Variants in RBFOX1 observed in about 807,000 individuals in gnomAD.
RBFOX1 encodes RNA binding protein fox-1 homolog 1.
A neutral mutation model predicts 57.7 loss-of-function variants in RBFOX1; 8 were observed. The observed-to-expected ratio is 0.14, with a 90% CI of 0.08 to 0.25. The LOEUF (loss-of-function observed/expected upper bound fraction) is 0.25, where lower values mean the gene tolerates loss of function less well. RBFOX1 is among the 10% of genes least tolerant of loss of function. The pLI is 1.00. For missense variants in RBFOX1, 611 were observed against 548.5 expected (o/e 1.11, Z -1.14); for synonymous variants, 326 against 222.4 (o/e 1.47, Z -4.15).
At chr16:7,438,477 A>G (rs1295378722) in intron 4 of RBFOX1, among the ~76,000 whole-genome samples, 1 of 152,088 alleles carries the variant, frequency 6.6e-6, no homozygotes, top group Non-Finnish European at 1.5e-5. Context: ...GCGGGACAAT[A>G]ACTGCTCTGG....
At chr16:6,416,892 T>A (rs1057307006) in intron 2 of RBFOX1, among the ~76,000 whole-genome samples, 6 of 152,248 alleles carry the variant, frequency 3.9e-5, no homozygotes, top group African/African-American at 1.4e-4. Flanking sequence ...GGATTCCCAA[T>A]AAGTGTGTTT....
intron 4 of RBFOX1, among the ~76,000 whole-genome samples, chr16:5,945,859 C>A (rs993088337): frequency 6.6e-6 from 1 of 152,160 alleles, no homozygotes; most frequent in Non-Finnish European, 1.5e-5. Flanking sequence ...TCTACTCCAT[C>A]CATCAGTATT....
intron 1 of RBFOX1, among the ~76,000 whole-genome samples, chr16:5,258,353 G>A (rs2333972): frequency 0.17 from 25,619 of 152,002 alleles, 2,328 homozygotes; most frequent in African/African-American, 0.21. Context: ...CAGTAGTTAT[G>A]TAATTGCTTC....
chr16:5,705,297 T>C (rs2041256), intron 3 of RBFOX1, among the ~76,000 whole-genome samples: 1 of 151,984 alleles, frequency 6.6e-6, no homozygotes, highest in South Asian at 2.1e-4. Flanking sequence ...GGTCTTGCTG[T>C]CTTGTCCAGG....
intron 3 of RBFOX1, among the ~76,000 whole-genome samples, chr16:6,984,253 T>C (rs1270037549): frequency 6.6e-6 from 1 of 151,950 alleles, no homozygotes; most frequent in East Asian, 1.9e-4. Flanking sequence ...ATCTTAAACA[T>C]AAAATAAAAT....
intron 4 of RBFOX1, among the ~76,000 whole-genome samples, chr16:5,982,668 A>G (rs1212935632): frequency 1.3e-5 from 2 of 152,092 alleles, no homozygotes; most frequent in East Asian, 1.9e-4. Context: ...CTGAAATCTC[A>G]TCTCACCACT....
chr16:6,415,783 T>C (rs989320222), intron 2 of RBFOX1, among the ~76,000 whole-genome samples: 2 of 152,172 alleles, frequency 1.3e-5, no homozygotes, highest in African/African-American at 4.8e-5. Context: ...CCTCAGGATA[T>C]CTGTGAGATA....
intron 2 of RBFOX1, among the ~76,000 whole-genome samples, chr16:6,616,969 A>T (rs935145810): frequency 1.3e-5 from 2 of 152,180 alleles, no homozygotes; most frequent in Non-Finnish European, 2.9e-5. Context: ...AGAGTTTTGC[A>T]ACAGAGACCT....
At chr16:6,441,440 G>C (rs899909811) in intron 2 of RBFOX1, among the ~76,000 whole-genome samples, 4 of 151,692 alleles carry the variant, frequency 2.6e-5, no homozygotes, top group South Asian at 4.2e-4. Flanking sequence ...TTTTGAGACG[G>C]AGTTTTGCTC....
chr16:6,659,210 G>C (rs1174816547), intron 3 of RBFOX1, among the ~76,000 whole-genome samples: 10 of 146,016 alleles, frequency 6.8e-5, no homozygotes, highest in Non-Finnish European at 1.2e-4. Flanking sequence ...CAGTCAGGGG[G>C]AGAATCTGTC....
intron 3 of RBFOX1, among the ~76,000 whole-genome samples, chr16:6,991,571 C>T (rs908596847): frequency 6.6e-6 from 1 of 152,174 alleles, no homozygotes; most frequent in Admixed American, 6.5e-5. Flanking sequence ...GGGTCCCACT[C>T]TGTCACCCAG....
At chr16:7,456,708 T>G (rs1392601381) in intron 4 of RBFOX1, among the ~76,000 whole-genome samples, 3 of 152,044 alleles carry the variant, frequency 2.0e-5, no homozygotes, top group Non-Finnish European at 4.4e-5. Context: ...TTCCTGAGCT[T>G]GATGGGTGCC....
At chr16:6,586,780 T>G (rs770271135) in intron 2 of RBFOX1, among the ~76,000 whole-genome samples, 6 of 152,214 alleles carry the variant, frequency 3.9e-5, no homozygotes, top group Non-Finnish European at 8.8e-5. Context: ...CTCAGTTGCT[T>G]ACCCATCCTA....
intron 4 of RBFOX1, among the ~76,000 whole-genome samples, chr16:7,152,602 T>C (rs7192803): frequency 0.89 from 134,948 of 152,168 alleles, 59,929 homozygotes; most frequent in East Asian, 1. Flanking sequence ...TGATAGTGGC[T>C]TCTCTGTGGT....
chr16:6,404,189 C>G (rs2093188180), intron 2 of RBFOX1, among the ~76,000 whole-genome samples: 1 of 152,148 alleles, frequency 6.6e-6, no homozygotes, highest in Non-Finnish European at 1.5e-5. Context: ...TCTTTATTCA[C>G]TAAACAATAC....
chr16:5,748,003 T>G (rs982842284), intron 3 of RBFOX1, among the ~76,000 whole-genome samples: 3 of 152,212 alleles, frequency 2.0e-5, no homozygotes. Flanking sequence ...CTTTCTGTTG[T>G]GGGCATTTAG....
At chr16:6,629,773 C>T (rs899332144) in intron 2 of RBFOX1, among the ~76,000 whole-genome samples, 5 of 152,208 alleles carry the variant, frequency 3.3e-5, no homozygotes, top group Non-Finnish European at 7.3e-5. Flanking sequence ...ATTAGTCCTT[C>T]TGAGATAGCT....
intron 3 of RBFOX1, among the ~76,000 whole-genome samples, chr16:6,784,141 T>G (rs2081506605): frequency 6.6e-6 from 1 of 152,108 alleles, no homozygotes; most frequent in Non-Finnish European, 1.5e-5. Flanking sequence ...TTGCTTGACT[T>G]TCTTGTACCT....
intron 2 of RBFOX1, among the ~76,000 whole-genome samples, chr16:5,594,620 C>A (rs1287306468): frequency 6.6e-6 from 1 of 152,056 alleles, no homozygotes; most frequent in African/African-American, 2.4e-5. Context: ...AGAAAAGAGA[C>A]AAATGGTTTC....
Sources: gnomAD v4.1 joint callset for allele counts (sites outside exome capture counted in the v4.1 genomes callset) on GRCh38, gnomAD v4.1.1 for gene constraint, MANE v1.5 for transcripts, NCBI Gene and HGNC (gene_info 2026-07-23, HGNC 2026-07-21) for gene names.